CYP3A4: variants seen among roughly 807,000 people sequenced by gnomAD.
CYP3A4 encodes the protein cytochrome P450 family 3 subfamily A member 4.
A neutral mutation model predicts 54.9 loss-of-function variants in CYP3A4; 41 were observed. That is an observed-to-expected ratio of 0.75 (90% CI 0.58 to 0.97). CYP3A4 has a LOEUF of 0.97. Ranked by LOEUF, CYP3A4 falls within the 50% of genes least tolerant of loss-of-function variation. The probability of loss-of-function intolerance (pLI) is 0.00; values close to 1 mark genes in which losing one functional copy is unlikely to be tolerated. For synonymous variants in CYP3A4, 179 were observed against 205.2 expected (o/e 0.87, Z 1.09); for missense variants, 510 against 597.3 (o/e 0.85, Z 1.52).
chr7:99,769,719 T>C (rs1815576996), intron 6 of CYP3A4, 49 bp downstream of exon 6: 1 of 1,608,594 alleles, frequency 6.2e-7, no homozygotes, highest in Non-Finnish European at 8.5e-7. Flanking sequence ...GGCAGGCAGC[T>C]GGAGGGGTTC....
At chr7:99,772,761 C>G in intron 3 of CYP3A4, 72 bp from the exon 4 acceptor site, 1 of 1,508,746 alleles carries the variant, frequency 6.6e-7, no homozygotes, top group South Asian at 1.2e-5. Flanking sequence ...CCCAGGAAGC[C>G]AGACTTTGAT....
chr7:99,781,544 T>C (rs1392375120), intron 1 of CYP3A4, among the ~76,000 whole-genome samples: 1 of 152,168 alleles, frequency 6.6e-6, no homozygotes, highest in East Asian at 1.9e-4. Flanking sequence ...TCTGGATGTC[T>C]GAAGACCTTC....
Position 99,783,351 on chromosome 7 carries a change from A to G in CYP3A4, c.71+660T>C, listed in dbSNP as rs28988571. On this transcript the variant is annotated intron_variant, in intron 1 of 12. Transcript: ENST00000651514. ...GGGGAAAATGTAAAATCCAAATTCT[A>G]GTTTAGTAAGGAGAAGCCAGGTTTC... 6.6e-3 allele frequency among the ~76,000 whole-genome samples: 1,002 copies of G among 152,260 alleles called. 14 individuals are homozygous for G. The highest frequency in any genetic ancestry group is 0.022 in the African/African-American group (918 of 41,540).
chr7:99,762,111 T>C lies in CYP3A4; in HGVS notation c.1183A>G (p.Met395Val), dbSNP rs142425279. Residue 395 changes from methionine to valine, a missense_variant, in exon 11 of 13, where the codon ATG (methionine) becomes GTG (valine). Around this residue, in one of 2 missense-constraint regions of CYP3A4, gnomAD observed 238 missense variants for 322.5 expected, o/e 0.74. Transcript: ENST00000651514. ...GMFIPKGVVV[M>V]IPSYALHRDP... ...CGGTGAAGAGCATAGCTTGGAATCATCACCACCACCCCTTTGGGAATGAAC... is the reference window on the plus strand; with the variant it reads ...CGGTGAAGAGCATAGCTTGGAATCACCACCACCACCCCTTTGGGAATGAAC... 6.3e-5 allele frequency: 102 copies of C among 1,613,996 alleles called. No individual in the cohort carries two copies. The highest frequency in any genetic ancestry group is 4.3e-4 in the African/African-American group (32 of 74,990).
chr7:99,772,527 A>G, intron 4 of CYP3A4, 63 bp downstream of exon 4: 3 of 1,594,652 alleles, frequency 1.9e-6, no homozygotes, highest in South Asian at 1.1e-5. Context: ...CTATGAATAT[A>G]TAAGAATTTC....
Position 99,778,021 on chromosome 7 carries a change from T to C in CYP3A4, c.218+7A>G. The C allele has an allele frequency of 6.2e-7, 1 of 1,611,592 alleles. No homozygotes were observed. On this transcript the variant is annotated splice_region_variant and intron_variant, in intron 3 of 12. Coordinates refer to ENST00000651514, the MANE Select transcript of CYP3A4 (RefSeq NM_017460.6). ...GTCTATCCAATGGAAGTTTCCAGAA[T>C]ACTCACCCCCACACTTTTCCATACT...
Position 99,757,059 on chromosome 7 carries a change from G to T in CYP3A4, c.*1074C>A, listed in dbSNP as rs1815193762. ...TGAGGATGGAATGCAAGAGGTGTAG[G>T]GAAACATGTTTTCTGTCTCCCAGAA... On this transcript the variant is annotated 3_prime_UTR_variant, in exon 13 of 13. Coordinates refer to ENST00000651514, the MANE Select transcript of CYP3A4 (RefSeq NM_017460.6). 6.6e-6 allele frequency: 1 copy of T among 152,158 alleles called. No individual in the cohort carries two copies. Among genetic ancestry groups the T allele is most frequent in the African/African-American group, 2.4e-5 (1 of 41,418 alleles). The allele number at this position is 152,158 out of a possible 1,614,324, so 9.4% of individuals were successfully genotyped here. A position where few individuals can be genotyped will look rare whatever the true frequency, so the allele number is the denominator to read the frequency against.
intron 9 of CYP3A4, among the ~76,000 whole-genome samples, chr7:99,764,853 T>C (rs1815436006): frequency 1.3e-5 from 2 of 152,146 alleles, no homozygotes; most frequent in South Asian, 4.1e-4. Flanking sequence ...TAGCATAAGC[T>C]CCTATGATTA....
intron 1 of CYP3A4, among the ~76,000 whole-genome samples, chr7:99,783,024 A>C (rs1430639230): frequency 6.6e-6 from 1 of 152,230 alleles, no homozygotes; most frequent in Non-Finnish European, 1.5e-5. Flanking sequence ...AATCTGGTTT[A>C]AAATAGAATG....
rs1354703602 is a variant in CYP3A4, at chr7:99,766,477, A to G, written c.799-34T>C. On this transcript the variant is annotated intron_variant, in intron 8 of 12. Transcript: ENST00000651514. ...AAAAAGAGAAATTTCACTGACAGAA[A>G]GTGGCTCCTGAAGTCAGAAGTAAAT... 8 of 1,612,998 alleles carry G rather than the reference A, an allele frequency of 5.0e-6. No homozygotes were observed. The East Asian group carries it at 1.1e-4, about 22-fold the overall frequency.
intron 4 of CYP3A4, among the ~76,000 whole-genome samples, chr7:99,772,202 C>T (rs73156631): frequency 1.9e-3 from 292 of 152,286 alleles, no homozygotes; most frequent in Non-Finnish European, 3.4e-3. Flanking sequence ...GCATCTTGAT[C>T]ATGCTGGTCA....
chr7:99,784,097 TTA>T lies in CYP3A4; in HGVS notation c.-18_-17del, dbSNP rs1316433975. 3.1e-6 allele frequency: 5 copies of T among 1,610,540 alleles called. No individual in the cohort carries two copies. In the South Asian group the frequency reaches 5.5e-5, roughly 18 times the overall value. ...TGAGAGCCATCACTACTTTCCTTACTTATCTCTCTCCTCTGAGTCTTCCTTTC... is the reference window on the plus strand; with the variant it reads ...TGAGAGCCATCACTACTTTCCTTACTTCTCTCTCCTCTGAGTCTTCCTTTC... On this transcript the variant is annotated 5_prime_UTR_variant, in exon 1 of 13. Transcript: ENST00000651514.
At chr7:99,778,204 T>G in intron 2 of CYP3A4, 124 bp from the exon 3 acceptor site, 1 of 699,078 alleles carries the variant, frequency 1.4e-6, no homozygotes, top group Non-Finnish European at 2.4e-6. Flanking sequence ...GGAAGCTTAT[T>G]TGGAGACGTC....
intron 10 of CYP3A4, 119 bp from the exon 11 acceptor site, chr7:99,762,386 C>A: frequency 7.5e-7 from 1 of 1,333,934 alleles, no homozygotes; most frequent in South Asian, 1.4e-5. Context: ...GGTAAAGGAT[C>A]GAAGCATTTA....
At chr7:99,772,462 G>C (rs1448740784) in intron 4 of CYP3A4, 128 bp downstream of exon 4, 16 of 1,101,072 alleles carry the variant, frequency 1.5e-5, no homozygotes, top group South Asian at 4.3e-5. Context: ...TACCATTCGG[G>C]GGGGACAGGA....
chr7:99,760,964 T>C lies in CYP3A4; in HGVS notation c.1271A>G (p.Lys424Arg), dbSNP rs1166533833. Residue 424 changes from lysine (K) to arginine (R), a missense_variant, in exon 12 of 13, where the codon AAG becomes AGG. By Grantham distance (26) the Lys-to-Arg change is conservative. Coordinates refer to ENST00000651514, the MANE Select transcript of CYP3A4 (RefSeq NM_017460.6). ...FLPERFSKKN[K>R]DNIDPYIYTP... ...GTATATGTAAGGATCTATGTTGTCC[T>C]TGTTCTTCTTGCTGAATCTGGTTCC... is the stretch of plus-strand genomic sequence containing the variant. The C allele has an allele frequency of 6.2e-7, 1 of 1,613,024 alleles. No individual in the cohort carries two copies. Among genetic ancestry groups the C allele is most frequent in the Non-Finnish European group, 8.5e-7 (1 of 1,179,660 alleles).
At chr7:99,762,547 TATACACACACAC>T (rs1486188038) in intron 10 of CYP3A4, among the ~76,000 whole-genome samples, 11 of 151,792 alleles carry the variant, frequency 7.2e-5, no homozygotes, top group African/African-American at 2.2e-4. Context: ...TCTATATATA[TATACACACACAC>T]ATACACACAC....
chr7:99,767,387 A>G (rs1815503071), intron 7 of CYP3A4, 129 bp from the exon 8 acceptor site: 1 of 819,214 alleles, frequency 1.2e-6, no homozygotes, highest in Non-Finnish European at 1.8e-6. Context: ...ACTGGAAGCC[A>G]TTCCTTCTAT....
Position 99,770,205 on chromosome 7 carries a change from C to T in CYP3A4, c.349G>A (p.Ala117Thr), listed in dbSNP as rs1211366206. The change falls in exon 5 of 13, where the codon GCC becomes ACC. Residue 117 changes from alanine to threonine, a missense_variant. By Grantham distance (58) the Ala-to-Thr change is moderately conservative (BLOSUM62 0). Around this residue, in one of 2 missense-constraint regions of CYP3A4, gnomAD observed 272 missense variants for 274.9 expected, o/e 0.99. Coordinates refer to ENST00000651514, the MANE Select transcript of CYP3A4 (RefSeq NM_017460.6). ...PFGPVGFMKSAISIAEDEEWK... is the reference protein window; with the variant it reads ...PFGPVGFMKSTISIAEDEEWK... ...TCTTCATCCTCAGCTATAGAGATGGCACTTTTCATAAATCCCACTGGACCA... is the reference window on the plus strand; with the variant it reads ...TCTTCATCCTCAGCTATAGAGATGGTACTTTTCATAAATCCCACTGGACCA... The T allele has an allele frequency of 3.7e-6, 6 of 1,613,680 alleles. No individual in the cohort carries two copies. The highest frequency in any genetic ancestry group is 5.1e-6 in the Non-Finnish European group (6 of 1,179,698).
Sources: allele counts gnomAD v4.1 joint callset (sites outside exome capture counted in the v4.1 genomes callset), GRCh38; gene constraint gnomAD v4.1.1; regional missense constraint gnomAD v4.1.1; transcripts MANE v1.5; gene names NCBI Gene and HGNC (gene_info 2026-07-23, HGNC 2026-07-21).